Variants in NALF1 observed in about 807,000 individuals in gnomAD.
NALF1 encodes NALCN channel auxiliary factor 1, also known as family with sequence similarity 155 member A.
In NALF1, 3 loss-of-function variants were observed where a neutral mutation model predicts 48.4. The ratio of observed to expected loss-of-function variants is 0.06; its 90% CI spans 0.03 to 0.16. The LOEUF (loss-of-function observed/expected upper bound fraction) is 0.16. NALF1 is among the 10% of genes least tolerant of loss of function. NALF1 has a pLI of 1.00. For synonymous variants in NALF1, 262 were observed against 245.7 expected, an observed-to-expected ratio of 1.07 and a Z score of -0.62; for missense variants, 526 against 571.5, an observed-to-expected ratio of 0.92 and a Z score of 0.81.
At chr13:107,225,877 G>C (rs1281721693) in intron 1 of NALF1, among the ~76,000 whole-genome samples, 1 of 152,024 alleles carries the variant, frequency 6.6e-6, no homozygotes, top group Non-Finnish European at 1.5e-5. Flanking sequence ...CATTAGGTCA[G>C]ATGTCGTTAG....
chr13:107,653,785 C>G (rs895092673), intron 1 of NALF1, among the ~76,000 whole-genome samples: 1 of 151,904 alleles, frequency 6.6e-6, no homozygotes, highest in Admixed American at 6.6e-5. Context: ...CATCTCACAC[C>G]ACACACACAA....
At chr13:107,856,827 G>T (rs939777456) in intron 1 of NALF1, among the ~76,000 whole-genome samples, 14 of 152,082 alleles carry the variant, frequency 9.2e-5, no homozygotes, top group Non-Finnish European at 1.8e-4. Flanking sequence ...TAGGGTGGTG[G>T]CCGACAGCTC....
chr13:107,342,393 A>G (rs887479252), intron 1 of NALF1, among the ~76,000 whole-genome samples: 18 of 152,222 alleles, frequency 1.2e-4, no homozygotes, highest in Non-Finnish European at 2.5e-4. Context: ...TTGCATTAAA[A>G]TGTTACAAAA....
At chr13:107,780,075 G>A (rs893573712) in intron 1 of NALF1, among the ~76,000 whole-genome samples, 2 of 146,754 alleles carry the variant, frequency 1.4e-5, no homozygotes, top group Admixed American at 6.8e-5. Context: ...TTGCTACTGC[G>A]GTTTTGTTGT....
At chr13:107,199,098 CA>C (rs1879455030) in intron 2 of NALF1, among the ~76,000 whole-genome samples, 1 of 151,200 alleles carries the variant, frequency 6.6e-6, no homozygotes, top group Non-Finnish European at 1.5e-5. Context: ...GGTCCTAGTT[CA>C]ATAGGACAGA....
chr13:107,376,981 G>T (rs368028721), intron 1 of NALF1, among the ~76,000 whole-genome samples: 2 of 152,192 alleles, frequency 1.3e-5, no homozygotes, highest in South Asian at 4.2e-4. Context: ...TTCATTCTCT[G>T]GCCGCATTTA....
intron 1 of NALF1, among the ~76,000 whole-genome samples, chr13:107,211,703 G>T (rs1879765150): frequency 6.6e-6 from 1 of 152,108 alleles, no homozygotes; most frequent in Non-Finnish European, 1.5e-5. Flanking sequence ...TATTTCTAGG[G>T]TTAATATTAT....
At chr13:107,391,166 G>A (rs1033840091) in intron 1 of NALF1, among the ~76,000 whole-genome samples, 10 of 151,952 alleles carry the variant, frequency 6.6e-5, no homozygotes, top group African/African-American at 2.4e-4. Context: ...TCCTAGCTCT[G>A]GGGATAAAGT....
chr13:107,838,591 T>A (rs1256492471), intron 1 of NALF1, among the ~76,000 whole-genome samples: 3 of 152,168 alleles, frequency 2.0e-5, no homozygotes, highest in Non-Finnish European at 4.4e-5. Context: ...CCAGGCTATA[T>A]CAGAGATTAA....
chr13:107,832,480 C>A (rs1344552330), intron 1 of NALF1, among the ~76,000 whole-genome samples: 7 of 151,894 alleles, frequency 4.6e-5, no homozygotes. Flanking sequence ...GATTTGCTAA[C>A]CCCAGTTGGA....
intron 1 of NALF1, among the ~76,000 whole-genome samples, chr13:107,293,218 G>T (rs1461726407): frequency 4.0e-5 from 6 of 151,860 alleles, no homozygotes; most frequent in African/African-American, 1.5e-4. Flanking sequence ...CTGACCTCAT[G>T]ATCCACCCAC....
intron 1 of NALF1, among the ~76,000 whole-genome samples, chr13:107,865,294 T>C (rs1880679290): frequency 6.6e-6 from 1 of 152,208 alleles, no homozygotes; most frequent in South Asian, 2.1e-4. Context: ...TGTCTCGAAC[T>C]CTTCTGACTT....
intron 1 of NALF1, among the ~76,000 whole-genome samples, chr13:107,336,188 AT>A: frequency 6.6e-6 from 1 of 152,148 alleles, no homozygotes; most frequent in South Asian, 2.1e-4. Context: ...ACTGTCCTCT[AT>A]CAAAAATACA....
At chr13:107,295,173 T>C (rs1881702184) in intron 1 of NALF1, among the ~76,000 whole-genome samples, 1 of 152,178 alleles carries the variant, frequency 6.6e-6, no homozygotes, top group African/African-American at 2.4e-5. Flanking sequence ...CTGGTGTCTC[T>C]TGTGCCCATC....
intron 1 of NALF1, among the ~76,000 whole-genome samples, chr13:107,672,401 T>C (rs9559133): frequency 0.29 from 44,315 of 152,072 alleles, 7,051 homozygotes; most frequent in East Asian, 0.53. Context: ...GAGTCTAGCA[T>C]AGGGTAGCAC....
At chr13:107,438,843 A>AAAAAAAAAAAAAAAAAG (rs1884507221) in intron 1 of NALF1, among the ~76,000 whole-genome samples, 1 of 147,808 alleles carries the variant, frequency 6.8e-6, no homozygotes, top group Non-Finnish European at 1.5e-5. Context: ...AAAAAAAAAA[A>AAAAAAAAAAAAAAAAAG]AAAAAAAAGA....
At chr13:107,277,330 A>C (rs1298969962) in intron 1 of NALF1, among the ~76,000 whole-genome samples, 1 of 152,190 alleles carries the variant, frequency 6.6e-6, no homozygotes, top group African/African-American at 2.4e-5. Flanking sequence ...TACAATTTTA[A>C]GAGTTAGAGA....
At chr13:107,331,115 T>A (rs1882460271) in intron 1 of NALF1, among the ~76,000 whole-genome samples, 2 of 152,212 alleles carry the variant, frequency 1.3e-5, no homozygotes, top group Admixed American at 1.3e-4. Flanking sequence ...TTTTCTAAAA[T>A]TGTTTATAGA....
At chr13:107,382,775 G>A (rs1224974909) in intron 1 of NALF1, among the ~76,000 whole-genome samples, 2 of 152,204 alleles carry the variant, frequency 1.3e-5, no homozygotes, top group Non-Finnish European at 2.9e-5. Flanking sequence ...TGGACACTAT[G>A]AGTGGTGTTG....
Sources: allele counts gnomAD v4.1 joint callset (sites outside exome capture counted in the v4.1 genomes callset), GRCh38; gene constraint gnomAD v4.1.1; transcripts MANE v1.5; gene names NCBI Gene and HGNC (gene_info 2026-07-23, HGNC 2026-07-21).